TMEM132D: variants seen among roughly 807,000 people sequenced by gnomAD.
TMEM132D encodes the protein transmembrane protein 132D, also known as mature OL transmembrane protein.
Under a neutral mutation model 62.3 loss-of-function variants are expected in TMEM132D, and 21 were observed. The observed-to-expected ratio is 0.34, with a 90% CI of 0.24 to 0.49. The LOEUF is 0.49. Ranked by LOEUF, TMEM132D falls within the 20% of genes least tolerant of loss-of-function variation. The pLI, the probability that TMEM132D is intolerant of heterozygous loss-of-function variation, is 0.99. For missense variants in TMEM132D, 1,346 were observed against 1,402.8 expected (o/e 0.96, Z 0.65); for synonymous variants, 621 against 575.6 (o/e 1.08, Z -1.13).
intron 1 of TMEM132D, among the ~76,000 whole-genome samples, chr12:129,863,699 T>C (rs1419959668): frequency 6.6e-6 from 1 of 152,158 alleles, no homozygotes; most frequent in African/African-American, 2.4e-5. Flanking sequence ...AGAAGCAAGA[T>C]TTCTGTGTAG....
rs73429373 is a variant in TMEM132D at position 129,783,854 on chromosome 12, G to A, written c.80-83156C>T. On this transcript the variant is annotated intron_variant, in intron 1 of 8. Coordinates refer to ENST00000422113, the MANE Select transcript of TMEM132D (RefSeq NM_133448.3). ...ACGAGCAAAGATCACTTCTGCCTGTGTGGCAGAAAGGGTCACAAATTCTAT... is the reference window on the plus strand; with the variant it reads ...ACGAGCAAAGATCACTTCTGCCTGTATGGCAGAAAGGGTCACAAATTCTAT... Among the ~76,000 whole-genome samples, 1,073 of 152,312 alleles carry A rather than the reference G, an allele frequency of 7.0e-3. 11 individuals carry two copies. Among genetic ancestry groups the A allele is most frequent in the African/African-American group, 0.025 (1,019 of 41,574 alleles).
chr12:129,257,064 A>G (rs1327433638), intron 4 of TMEM132D, among the ~76,000 whole-genome samples: 2 of 152,146 alleles, frequency 1.3e-5, no homozygotes, highest in Admixed American at 6.5e-5. Flanking sequence ...CACACACAAC[A>G]TATCATGGGT....
At chr12:129,576,116 T>A (rs1205563014) in intron 2 of TMEM132D, among the ~76,000 whole-genome samples, 2 of 151,894 alleles carry the variant, frequency 1.3e-5, no homozygotes, top group African/African-American at 4.9e-5. Context: ...AGTCCTCACA[T>A]GTGGGAGCCA....
chr12:129,271,581 G>T lies in TMEM132D; in HGVS notation c.1300-61918C>A, dbSNP rs1426141569. 1.3e-5 allele frequency among the ~76,000 whole-genome samples: 2 copies of T among 151,262 alleles called. 1 individual carries two copies. The highest frequency in any genetic ancestry group is 4.9e-5 in the African/African-American group (2 of 40,806). On this transcript the variant is annotated intron_variant, in intron 4 of 8. Coordinates refer to ENST00000422113, the MANE Select transcript of TMEM132D (RefSeq NM_133448.3). ...CCCTTGCCCCCCACCCCCTAACAGGGCCCGGTGTATGATGTTCCCCTCCCT... is the reference window on the plus strand; with the variant it reads ...CCCTTGCCCCCCACCCCCTAACAGGTCCCGGTGTATGATGTTCCCCTCCCT...
chr12:129,887,017 T>C (rs772268626), intron 1 of TMEM132D, among the ~76,000 whole-genome samples: 1 of 152,206 alleles, frequency 6.6e-6, no homozygotes, highest in African/African-American at 2.4e-5. Flanking sequence ...CCTTTATAAA[T>C]TACCCAGTCT....
At chr12:129,638,616 C>CATATATATAT (rs569430518) in intron 2 of TMEM132D, among the ~76,000 whole-genome samples, 2 of 89,116 alleles carry the variant, frequency 2.2e-5, no homozygotes, top group African/African-American at 8.3e-5. Context: ...ATAAATTCAG[C>CATATATATAT]ATATATATAT....
rs1244369908 is a variant in TMEM132D, at chr12:129,137,154, C to CCACCA, written c.1444-52453_1444-52452insTGGTG. Among the ~76,000 whole-genome samples the CCACCA allele has an allele frequency of 3.8e-3, 406 of 106,632 alleles. 9 individuals carry two copies. In the East Asian group the frequency reaches 0.055, roughly 15 times the overall value. 70.0% of individuals were successfully genotyped at this position (106,632 alleles called of 152,430 possible). A position where few individuals can be genotyped will look rare whatever the true frequency, so the allele number is the denominator to read the frequency against. ...ATCACCATCACTATCATTGTCATCA[C>CCACCA]TATCACAATCACCATCATCATCACC... On this transcript the variant is annotated intron_variant, in intron 5 of 8. Coordinates refer to ENST00000422113, the MANE Select transcript of TMEM132D (RefSeq NM_133448.3).
intron 5 of TMEM132D, among the ~76,000 whole-genome samples, chr12:129,163,029 A>G (rs1877444546): frequency 6.6e-6 from 1 of 152,096 alleles, no homozygotes; most frequent in Non-Finnish European, 1.5e-5. Context: ...GCAGCAGGGA[A>G]CCTCCGACAC....
At chr12:129,473,585 C>T (rs978451399) in intron 3 of TMEM132D, among the ~76,000 whole-genome samples, 4 of 152,114 alleles carry the variant, frequency 2.6e-5, no homozygotes, top group Admixed American at 2.6e-4. Flanking sequence ...CCCGCCTCGG[C>T]CTCCCAAAAT....
At chr12:129,324,907 C>T (rs1385518568) in intron 4 of TMEM132D, among the ~76,000 whole-genome samples, 4 of 152,164 alleles carry the variant, frequency 2.6e-5, no homozygotes, top group Non-Finnish European at 5.9e-5. Context: ...TTTGTCATTG[C>T]TGTTAAGAGC....
chr12:129,488,596 T>C (rs1165769311), intron 3 of TMEM132D, among the ~76,000 whole-genome samples: 3 of 151,960 alleles, frequency 2.0e-5, no homozygotes. Flanking sequence ...ATCCCTTGAA[T>C]TGGGAGGCAG....
At chr12:129,502,920 T>C (rs559427138) in intron 3 of TMEM132D, among the ~76,000 whole-genome samples, 3 of 152,196 alleles carry the variant, frequency 2.0e-5, no homozygotes, top group Admixed American at 6.5e-5. Context: ...GCTTATTTAT[T>C]TGTTCGTCTG....
At chr12:129,412,898 G>A (rs1393806055) in intron 3 of TMEM132D, among the ~76,000 whole-genome samples, 1 of 152,086 alleles carries the variant, frequency 6.6e-6, no homozygotes, top group Non-Finnish European at 1.5e-5. Flanking sequence ...CACACTTTTA[G>A]GATGGAAGAA....
chr12:129,341,988 T>C (rs1051082853), intron 3 of TMEM132D, among the ~76,000 whole-genome samples: 1 of 152,102 alleles, frequency 6.6e-6, no homozygotes, highest in African/African-American at 2.4e-5. Context: ...ATCGTGAAAA[T>C]GGCCATACTG....
rs1288142751 is a variant in TMEM132D at position 129,236,522 on chromosome 12, AAAAAAAAAAG to A, written c.1300-26869_1300-26860del. 2.8e-3 allele frequency among the ~76,000 whole-genome samples: 423 copies of A among 148,920 alleles called. 2 individuals are homozygous for A. Among genetic ancestry groups the A allele is most frequent in the African/African-American group, 0.01 (401 of 38,852 alleles). On this transcript the variant is annotated intron_variant, in intron 4 of 8. Transcript: ENST00000422113. ...GGAGTGAGACTCCATCTCAAAAAAAAAAAAAAAAAGAAAAAAAAAAGAAAAGAAATGAAAC... is the reference window on the plus strand; with the variant it reads ...GGAGTGAGACTCCATCTCAAAAAAAAAAAAAAAAAAGAAAAGAAATGAAAC...
intron 2 of TMEM132D, among the ~76,000 whole-genome samples, chr12:129,602,942 A>G (rs561265200): frequency 2.6e-4 from 39 of 152,280 alleles, no homozygotes; most frequent in Non-Finnish European, 4.3e-4. Flanking sequence ...AGCCCCTAAT[A>G]AAACCATTAG....
intron 4 of TMEM132D, among the ~76,000 whole-genome samples, chr12:129,335,833 G>A (rs1293609603): frequency 6.6e-6 from 1 of 152,204 alleles, no homozygotes; most frequent in African/African-American, 2.4e-5. Context: ...AAGTTTTGGT[G>A]AATTGGATGC....
intron 3 of TMEM132D, among the ~76,000 whole-genome samples, chr12:129,364,383 G>A (rs1401294569): frequency 6.6e-6 from 1 of 152,190 alleles, no homozygotes; most frequent in Admixed American, 6.5e-5. Flanking sequence ...ATTGTTCAGT[G>A]TACAACCTGT....
intron 4 of TMEM132D, among the ~76,000 whole-genome samples, chr12:129,223,424 T>C (rs746591856): frequency 1.3e-5 from 2 of 152,172 alleles, no homozygotes; most frequent in Non-Finnish European, 2.9e-5. Context: ...TAGCCCAGAC[T>C]GTAATCGGTA....
Sources: allele counts gnomAD v4.1 joint callset (sites outside exome capture counted in the v4.1 genomes callset), GRCh38; gene constraint gnomAD v4.1.1; transcripts MANE v1.5; gene names NCBI Gene and HGNC (gene_info 2026-07-23, HGNC 2026-07-21).